The following PPARA variants were observed in gnomAD, a reference collection of about 807,000 sequenced individuals.
The protein encoded by PPARA is peroxisome proliferator-activated receptor alpha.
Under a neutral mutation model 42.2 loss-of-function variants are expected in PPARA, and 22 were observed. The ratio of observed to expected loss-of-function variants is 0.52; its 90% CI spans 0.37 to 0.74. The LOEUF (loss-of-function observed/expected upper bound fraction) is 0.74, where lower values mean the gene tolerates loss of function less well. Among genes scored for constraint, PPARA ranks in the 30% least tolerant of loss-of-function variants. PPARA has a pLI of 0.00. For synonymous variants in PPARA, 242 were observed against 239.3 expected (o/e 1.01, Z -0.10); for missense variants, 465 against 608.2 (o/e 0.76, Z 2.48).
chr22:46,206,270 TTGTGTGTGTG>T (rs58068079), intron 4 of PPARA, among the ~76,000 whole-genome samples: 1 of 150,322 alleles, frequency 6.7e-6, no homozygotes, highest in Non-Finnish European at 1.5e-5. Context: ...CCCGGCTAAT[TTGTGTGTGTG>T]TGTGTGTGTG....
In PPARA at chr22:46,180,646, T is replaced by G. The variant is rs141443017; in HGVS notation, c.-43+3810T>G. On this transcript the variant is annotated intron_variant, in intron 3 of 8. Coordinates refer to ENST00000407236, the MANE Select transcript of PPARA (RefSeq NM_005036.6). The surrounding 1 kb of genome is among the most constrained non-coding windows in gnomAD (Gnocchi z 4.2). ...CTGTATGCCTGCTTCCTGCCTCACATATTTCCTGCCTCAAGATGCGTAAAA... is the reference window on the plus strand; with the variant it reads ...CTGTATGCCTGCTTCCTGCCTCACAGATTTCCTGCCTCAAGATGCGTAAAA... Among the ~76,000 whole-genome samples the G allele has an allele frequency of 1.3e-5, 2 of 152,304 alleles. No individual in the cohort carries two copies. The highest frequency in any genetic ancestry group is 3.9e-4 in the East Asian group (2 of 5,186).
intron 3 of PPARA, among the ~76,000 whole-genome samples, chr22:46,177,180 C>T (rs925258578): frequency 2.0e-5 from 3 of 151,988 alleles, no homozygotes; most frequent in Admixed American, 6.6e-5. Flanking sequence ...CACTGCACTC[C>T]AGCCTGGGCA....
chr22:46,162,024 C>A lies in PPARA; in HGVS notation c.-127+10054C>A, dbSNP rs1295969548. ...TTTCCCCTCCCCTCACCCTGGCGAC[C>A]CTTTTCGGTCTCAGTTGCCAGCCTC... On this transcript the variant is annotated intron_variant, in intron 2 of 8. Coordinates refer to ENST00000407236, the MANE Select transcript of PPARA (RefSeq NM_005036.6). This position sits in a 1 kb window ranked among gnomAD's most constrained non-coding sequence, Gnocchi z 6.0. Among the ~76,000 whole-genome samples the A allele has an allele frequency of 1.3e-5, 2 of 152,152 alleles. No homozygotes were observed. Among genetic ancestry groups the A allele is most frequent in the Non-Finnish European group, 2.9e-5 (2 of 68,030 alleles).
In PPARA at chr22:46,225,922, CAT is replaced by C. The variant is rs920263969; in HGVS notation, c.712-5869_712-5868del. On this transcript the variant is annotated intron_variant, in intron 7 of 8. Transcript: ENST00000407236. The surrounding 1 kb of genome is among the most constrained non-coding windows in gnomAD (Gnocchi z 4.1). ...ACCCACACCTGTGTGTACACACACA[CAT>C]GCATGCTCACACACATGCACCCAGG... is the stretch of plus-strand genomic sequence containing the variant. Among the ~76,000 whole-genome samples the C allele has an allele frequency of 7.9e-5, 12 of 151,968 alleles. No homozygotes were observed. Among genetic ancestry groups the C allele is most frequent in the Admixed American group, 1.3e-4 (2 of 15,256 alleles).
At position 46,231,964 on chromosome 22, in the gene PPARA, C is replaced by T. The variant is rs1935905569; in HGVS notation, c.884C>T (p.Pro295Leu). The T allele has an allele frequency of 1.2e-6, 2 of 1,614,236 alleles. No individual in the cohort carries two copies. Among genetic ancestry groups the T allele is most frequent in the Non-Finnish European group, 1.7e-6 (2 of 1,180,042 alleles). The stretch of plus-strand genomic sequence containing the variant: ...CTCACGGAATTCGCCAAGGCCATCC[C>T]AGGCTTCGCAAACTTGGACCTGAAC... ...TELTEFAKAI[P>L]GFANLDLNDQ... The change falls in exon 8 of 9, where the codon CCA becomes CTA. Residue 295 changes from proline (P) to leucine (L), a missense_variant. By Grantham distance (98) the Pro-to-Leu change is moderately conservative. Around this residue, in one of 2 missense-constraint regions of PPARA, gnomAD observed 313 missense variants for 469.1 expected, o/e 0.67. Transcript: ENST00000407236. The surrounding 1 kb of genome is among the most constrained non-coding windows in gnomAD (Gnocchi z 7.7).
At position 46,221,052 on chromosome 22, in the gene PPARA, C is replaced by T. The variant is rs1432413254; in HGVS notation, c.711+1038C>T. Among the ~76,000 whole-genome samples the T allele has an allele frequency of 7.3e-6, 1 of 136,786 alleles. No homozygotes were observed. Among genetic ancestry groups the T allele is most frequent in the South Asian group, 2.1e-4 (1 of 4,710 alleles). The allele number at this position is 136,786 out of a possible 152,430, so 89.7% of individuals were successfully genotyped here. A position where few individuals can be genotyped will look rare whatever the true frequency, so the allele number is the denominator to read the frequency against. ...ATAAAGAAAAGAGGTTTAATTGGCT[C>T]GTGGCCCACAAGGCTGTACAGGAAG... On this transcript the variant is annotated intron_variant, in intron 7 of 8. Transcript: ENST00000407236. The surrounding 1 kb of genome is among the most constrained non-coding windows in gnomAD (Gnocchi z 5.9).
Position 46,237,474 on chromosome 22 carries a change from A to T in PPARA, c.*2094A>T, listed in dbSNP as rs1134224. 0.31 allele frequency: 47,130 copies of T among 152,338 alleles called. 11,463 individuals are homozygous for T. Among genetic ancestry groups the T allele is most frequent in the African/African-American group, 0.68 (28,137 of 41,330 alleles). 9.4% of individuals were successfully genotyped at this position (152,338 alleles called of 1,614,324 possible). On this transcript the variant is annotated 3_prime_UTR_variant, in exon 9 of 9. Coordinates refer to ENST00000407236, the MANE Select transcript of PPARA (RefSeq NM_005036.6). This position sits in a 1 kb window ranked among gnomAD's most constrained non-coding sequence, Gnocchi z 6.7. ...TTAGTTCATCGGGGTGGCACACATC[A>T]GTAGTCCCAGCTACTCTGCAGGCTG...
rs1251105410 is a variant in PPARA at position 46,226,596 on chromosome 22, T to C, written c.712-5196T>C. 3.9e-5 allele frequency among the ~76,000 whole-genome samples: 6 copies of C among 152,352 alleles called. No individual in the cohort carries two copies. In the East Asian group the frequency reaches 5.8e-4, roughly 15 times the overall value. On this transcript the variant is annotated intron_variant, in intron 7 of 8. Transcript: ENST00000407236. ...ACCCTCTGAGAATAGAACTGAATTT[T>C]AGACAAACCATGAGTCCATTGTAGC...
At position 46,230,948 on chromosome 22, in the gene PPARA, G is replaced by C; in HGVS notation, c.712-844G>C. Among the ~76,000 whole-genome samples, 1 of 152,174 alleles carries C rather than the reference G, an allele frequency of 6.6e-6. No homozygotes were observed. Among genetic ancestry groups the C allele is most frequent in the East Asian group, 1.9e-4 (1 of 5,196 alleles). ...AAGAATGATCGTAATTAAGCCTCTT[G>C]CAATAGTCATTAGTTCAGAGAATAT... On this transcript the variant is annotated intron_variant, in intron 7 of 8. Transcript: ENST00000407236. The surrounding 1 kb of genome is among the most constrained non-coding windows in gnomAD (Gnocchi z 5.0).
At position 46,216,753 on chromosome 22, in the gene PPARA, C is replaced by T. The variant is rs1208438132; in HGVS notation, c.369+1420C>T. 1.3e-5 allele frequency among the ~76,000 whole-genome samples: 2 copies of T among 152,208 alleles called. No individual in the cohort carries two copies. The highest frequency in any genetic ancestry group is 2.9e-5 in the Non-Finnish European group (2 of 68,028). ...GACCTGGGCCAGGAGTGCATGAAGG[C>T]AGGCCCTGTTGTCCTGCATGCTGCC... On this transcript the variant is annotated intron_variant, in intron 5 of 8. Transcript: ENST00000407236. This position sits in a 1 kb window ranked among gnomAD's most constrained non-coding sequence, Gnocchi z 4.5.
intron 3 of PPARA, among the ~76,000 whole-genome samples, chr22:46,194,385 C>T (rs1183261962): frequency 6.6e-6 from 1 of 152,052 alleles, no homozygotes; most frequent in Non-Finnish European, 1.5e-5. Flanking sequence ...CTGAATATAA[C>T]GACAAGCAAA....
chr22:46,220,156 T>A, intron 7 of PPARA, 142 bp downstream of exon 7: 1 of 982,604 alleles, frequency 1.0e-6, no homozygotes, highest in Non-Finnish European at 1.6e-6. Context: ...TGGAAACAGT[T>A]CATTCTGAGA....
chr22:46,175,468 CT>C (rs1478901311), intron 2 of PPARA, among the ~76,000 whole-genome samples: 1 of 152,046 alleles, frequency 6.6e-6, no homozygotes, highest in East Asian at 1.9e-4. Flanking sequence ...AATCCCAGCA[CT>C]TTGGGAGGCC....
chr22:46,218,190 A>G (rs1264483932), intron 5 of PPARA, 73 bp from the exon 6 acceptor site: 4 of 1,571,970 alleles, frequency 2.5e-6, no homozygotes, highest in African/African-American at 1.4e-5. Context: ...AGCAACAAAA[A>G]AGGTGAGTAA....
rs1174931625 is a variant in PPARA, at chr22:46,173,263, T to A, written c.-126-3490T>A. ...ATGTTTTTAGTTTTCTTTTATTTGT[T>A]GTGTTGAATAGGAATGTAGCTCTGG... On this transcript the variant is annotated intron_variant, in intron 2 of 8. Transcript: ENST00000407236. The surrounding 1 kb of genome is among the most constrained non-coding windows in gnomAD (Gnocchi z 4.3). 6.6e-6 allele frequency among the ~76,000 whole-genome samples: 1 copy of A among 152,194 alleles called. No individual in the cohort carries two copies. Among genetic ancestry groups the A allele is most frequent in the African/African-American group, 2.4e-5 (1 of 41,444 alleles).
rs1321974420 is a variant in PPARA, at chr22:46,231,427, G to T, written c.712-365G>T. Among the ~76,000 whole-genome samples the T allele has an allele frequency of 6.6e-6, 1 of 151,928 alleles. No homozygotes were observed. Among genetic ancestry groups the T allele is most frequent in the African/African-American group, 2.4e-5 (1 of 41,348 alleles). ...GTAGAGACGGGGTTTCACCATGCTGGCCAGGCTGGTCTCGAACTCTTGACC... is the reference window on the plus strand; with the variant it reads ...GTAGAGACGGGGTTTCACCATGCTGTCCAGGCTGGTCTCGAACTCTTGACC... On this transcript the variant is annotated intron_variant, in intron 7 of 8. Coordinates refer to ENST00000407236, the MANE Select transcript of PPARA (RefSeq NM_005036.6). This position sits in a 1 kb window ranked among gnomAD's most constrained non-coding sequence, Gnocchi z 7.7.
chr22:46,189,124 G>A (rs1931210594), intron 3 of PPARA, among the ~76,000 whole-genome samples: 1 of 152,212 alleles, frequency 6.6e-6, no homozygotes, highest in Admixed American at 6.5e-5. Flanking sequence ...CTTGTGGCAG[G>A]CCTCTCGGCC....
rs928529422 is a variant in PPARA at position 46,195,976 on chromosome 22, G to A, written c.-42-2366G>A. 1.3e-5 allele frequency among the ~76,000 whole-genome samples: 2 copies of A among 152,170 alleles called. No individual in the cohort carries two copies. Among genetic ancestry groups the A allele is most frequent in the African/African-American group, 2.4e-5 (1 of 41,438 alleles). On this transcript the variant is annotated intron_variant, in intron 3 of 8. Transcript: ENST00000407236. The surrounding 1 kb of genome is among the most constrained non-coding windows in gnomAD (Gnocchi z 4.6). The stretch of plus-strand genomic sequence containing the variant: ...TCTAGAAGGCAGCGGTGGGCAGGGC[G>A]GTTCAGGCAGGTGGCACCTGGGCAA...
rs1433499560 is a variant in PPARA, at chr22:46,219,433, T to C, written c.509-379T>C. ...ATGTAAGTCGTTCATAAGAGTTGCA[T>C]GTCTACCTTCTGGAAAAAGAAGCAG... On this transcript the variant is annotated intron_variant, in intron 6 of 8. Coordinates refer to ENST00000407236, the MANE Select transcript of PPARA (RefSeq NM_005036.6). This position sits in a 1 kb window ranked among gnomAD's most constrained non-coding sequence, Gnocchi z 4.8. Among the ~76,000 whole-genome samples the C allele has an allele frequency of 6.6e-6, 1 of 152,214 alleles. No individual in the cohort carries two copies. The highest frequency in any genetic ancestry group is 2.4e-5 in the African/African-American group (1 of 41,458).
Sources: gnomAD v4.1 joint callset for allele counts (sites outside exome capture counted in the v4.1 genomes callset) on GRCh38, gnomAD v4.1.1 for gene constraint, gnomAD v4.1.1 regional missense constraint, Gnocchi (gnomAD v3.1) non-coding constraint, MANE v1.5 for transcripts, NCBI Gene and HGNC (gene_info 2026-07-23, HGNC 2026-07-21) for gene names.